Variants in RGL1 observed in about 807,000 individuals in gnomAD.
RGL1 encodes the protein ral guanine nucleotide dissociation stimulator-like 1.
In RGL1, 24 loss-of-function variants were observed where a neutral mutation model predicts 95.2. That is an observed-to-expected ratio of 0.25 (90% CI 0.18 to 0.35). RGL1 has a LOEUF of 0.35. Ranked by LOEUF, RGL1 falls within the 10% of genes least tolerant of loss-of-function variation. RGL1 has a pLI of 1.00. For synonymous variants in RGL1, 329 were observed against 344.9 expected (o/e 0.95, Z 0.51); for missense variants, 715 against 936.3 (o/e 0.76, Z 3.08).
intron 2 of RGL1, among the ~76,000 whole-genome samples, chr1:183,743,784 A>C (rs1483770361): frequency 6.6e-6 from 1 of 152,230 alleles, no homozygotes; most frequent in East Asian, 1.9e-4. Flanking sequence ...AACAAGTGGA[A>C]ATATATAAAT....
At chr1:183,747,275 G>A (rs1231104080) in intron 2 of RGL1, among the ~76,000 whole-genome samples, 4 of 152,180 alleles carry the variant, frequency 2.6e-5, no homozygotes, top group African/African-American at 9.6e-5. Context: ...TCCACCAACA[G>A]TGTAAAAGCA....
At chr1:183,751,576 G>A (rs1658002014) in intron 2 of RGL1, among the ~76,000 whole-genome samples, 1 of 152,048 alleles carries the variant, frequency 6.6e-6, no homozygotes, top group African/African-American at 2.4e-5. Flanking sequence ...TCTCGCTGGG[G>A]TTCCAGGCAC....
intron 1 of RGL1, among the ~76,000 whole-genome samples, chr1:183,729,795 A>G (rs1465587163): frequency 6.6e-6 from 1 of 152,228 alleles, no homozygotes; most frequent in Non-Finnish European, 1.5e-5. Flanking sequence ...GAAAAGGACA[A>G]ACTATTTAAA....
At chr1:183,729,481 G>T (rs1656504333) in intron 1 of RGL1, among the ~76,000 whole-genome samples, 1 of 152,132 alleles carries the variant, frequency 6.6e-6, no homozygotes, top group Admixed American at 6.6e-5. Flanking sequence ...AACTGTTGAT[G>T]AGGATATGAA....
intron 2 of RGL1, among the ~76,000 whole-genome samples, chr1:183,797,065 C>T (rs1248129086): frequency 1.3e-5 from 2 of 151,990 alleles, no homozygotes; most frequent in African/African-American, 4.8e-5. Flanking sequence ...CACGGTGGCT[C>T]ACACATGTAA....
intron 2 of RGL1, among the ~76,000 whole-genome samples, chr1:183,785,125 A>T (rs1253841934): frequency 1.3e-5 from 2 of 152,118 alleles, no homozygotes; most frequent in Non-Finnish European, 2.9e-5. Flanking sequence ...AAGTCTTCTC[A>T]TGTAGCTCTA....
intron 14 of RGL1, among the ~76,000 whole-genome samples, chr1:183,911,276 A>G (rs957390409): frequency 1.3e-5 from 2 of 152,164 alleles, no homozygotes; most frequent in Non-Finnish European, 2.9e-5. Context: ...TCTTCTTTCC[A>G]TGCTCAGGCA....
chr1:183,920,317 T>C (rs1669242663), intron 16 of RGL1, among the ~76,000 whole-genome samples: 1 of 152,220 alleles, frequency 6.6e-6, no homozygotes, highest in Non-Finnish European at 1.5e-5. Flanking sequence ...ATTACAGGCA[T>C]GAGCCACCTC....
intron 1 of RGL1, among the ~76,000 whole-genome samples, chr1:183,652,557 C>T (rs1650841427): frequency 6.6e-6 from 1 of 152,002 alleles, no homozygotes; most frequent in African/African-American, 2.4e-5. Context: ...TGTTATCGAC[C>T]ACAGATTATC....
chr1:183,700,526 G>A (rs1278170285), intron 1 of RGL1, among the ~76,000 whole-genome samples: 1 of 150,092 alleles, frequency 6.7e-6, no homozygotes, highest in Non-Finnish European at 1.5e-5. Flanking sequence ...GTGGTTTGCT[G>A]CATCTATCAA....
intron 1 of RGL1, among the ~76,000 whole-genome samples, chr1:183,655,691 A>G (rs1651106349): frequency 6.6e-6 from 1 of 152,234 alleles, no homozygotes; most frequent in Admixed American, 6.5e-5. Flanking sequence ...TCTTAACAGC[A>G]GAGAGCTTTC....
intron 2 of RGL1, among the ~76,000 whole-genome samples, chr1:183,758,730 TC>T (rs1215101569): frequency 6.6e-6 from 1 of 152,176 alleles, no homozygotes; most frequent in Non-Finnish European, 1.5e-5. Flanking sequence ...AAGCTCTGCC[TC>T]CTAATATCAT....
chr1:183,903,311 T>G (rs1189784668), intron 12 of RGL1, among the ~76,000 whole-genome samples: 2 of 152,158 alleles, frequency 1.3e-5, no homozygotes, highest in Non-Finnish European at 2.9e-5. Flanking sequence ...CCCTTTCGTG[T>G]CAGCATAGGA....
chr1:183,734,779 A>G lies in RGL1; in HGVS notation c.-32-7347A>G, dbSNP rs145593548. 6.7e-3 allele frequency among the ~76,000 whole-genome samples: 1,026 copies of G among 152,350 alleles called. 18 individuals are homozygous for G. Among genetic ancestry groups the G allele is most frequent in the African/African-American group, 0.024 (999 of 41,582 alleles). ...TTTTTATCGTAATAAAAATATAGGC[A>G]ATAAAAAAGGCAGTCCCCTGGAATT... On this transcript the variant is annotated intron_variant, in intron 1 of 18. Coordinates refer to the RGL1 transcript ENST00000304685.
chr1:183,661,612 C>G (rs1416481347), intron 1 of RGL1, among the ~76,000 whole-genome samples: 1 of 151,014 alleles, frequency 6.6e-6, no homozygotes, highest in Non-Finnish European at 1.5e-5. Flanking sequence ...GATTCACAGC[C>G]GAATTCTACC....
rs57974956 is a variant in RGL1 at position 183,891,733 on chromosome 1, GTTTTTTTTTTTTTT to G, written c.1056-330_1056-317del. ...ATCTGTGGGCTCTGTGTGTGTAACA[GTTTTTTTTTTTTTT>G]TTTTTTTTTTTTTGTTTAACTCACT... On this transcript the variant is annotated intron_variant, in intron 8 of 17. Transcript: ENST00000360851. Among the ~76,000 whole-genome samples the G allele has an allele frequency of 7.4e-4, 92 of 123,942 alleles. No individual in the cohort carries two copies. The Middle Eastern group carries it at 0.016, about 22-fold the overall frequency. 81.3% of individuals were successfully genotyped at this position (123,942 alleles called of 152,430 possible). A position where few individuals can be genotyped will look rare whatever the true frequency, so the allele number is the denominator to read the frequency against.
intron 1 of RGL1, among the ~76,000 whole-genome samples, chr1:183,657,945 AG>A (rs1328466518): frequency 6.6e-6 from 1 of 152,226 alleles, no homozygotes; most frequent in Non-Finnish European, 1.5e-5. Flanking sequence ...CATCCTCTCC[AG>A]CACCTGTTGT....
chr1:183,802,600 C>A (rs1173659283), upstream of RGL1, among the ~76,000 whole-genome samples: 562 of 90,000 alleles, frequency 6.2e-3, 1 homozygote, highest in Middle Eastern at 0.022. Flanking sequence ...GGTGTATCAG[C>A]AAAAAAAAAA....
chr1:183,924,132 A>T (rs1339735889), intron 17 of RGL1, among the ~76,000 whole-genome samples: 4 of 151,610 alleles, frequency 2.6e-5, no homozygotes, highest in Admixed American at 6.6e-5. Flanking sequence ...TACCCAAAGG[A>T]TTATAAATCA....
Sources: gnomAD v4.1 joint callset for allele counts (sites outside exome capture counted in the v4.1 genomes callset) on GRCh38, gnomAD v4.1.1 for gene constraint, MANE v1.5 for transcripts, NCBI Gene and HGNC (gene_info 2026-07-23, HGNC 2026-07-21) for gene names.